The following TTC7B variants were observed in gnomAD, a reference collection of about 807,000 sequenced individuals.
TTC7B encodes tetratricopeptide repeat domain 7B, also known as tetratricopeptide repeat protein 7B.
TTC7B carries 28 observed loss-of-function variants against 106.8 expected under a neutral mutation model. That is an observed-to-expected ratio of 0.26 (90% confidence interval 0.19 to 0.36). TTC7B has a LOEUF of 0.36. Among genes scored for constraint, TTC7B ranks in the 10% least tolerant of loss-of-function variants. The probability of loss-of-function intolerance (pLI) is 1.00; values close to 1 mark genes in which losing one functional copy is unlikely to be tolerated. For missense variants in TTC7B, 862 were observed against 1,076.4 expected, an observed-to-expected ratio of 0.80 and a Z score of 2.79; for synonymous variants, 405 against 430.6, an observed-to-expected ratio of 0.94 and a Z score of 0.74.
chr14:90,679,383 A>G (rs904161864), intron 8 of TTC7B, among the ~76,000 whole-genome samples: 1 of 152,168 alleles, frequency 6.6e-6, no homozygotes, highest in Non-Finnish European at 1.5e-5. Context: ...CCATGTCTAT[A>G]CTCACCTGAG....
intron 18 of TTC7B, among the ~76,000 whole-genome samples, chr14:90,591,311 A>G (rs571326830): frequency 6.6e-6 from 1 of 152,348 alleles, no homozygotes; most frequent in South Asian, 2.1e-4. Context: ...GTTGTACTCC[A>G]GCCTGGGCCA....
intron 15 of TTC7B, among the ~76,000 whole-genome samples, chr14:90,633,317 G>C (rs1050781722): frequency 2.0e-5 from 3 of 152,144 alleles, no homozygotes; most frequent in Non-Finnish European, 4.4e-5. Context: ...TATTTAAATA[G>C]GAAACAATAA....
chr14:90,750,223 A>T (rs1290246709), intron 3 of TTC7B, among the ~76,000 whole-genome samples: 1 of 152,218 alleles, frequency 6.6e-6, no homozygotes, highest in Admixed American at 6.5e-5. Flanking sequence ...ACACAAAGAG[A>T]TAGATCATTT....
intron 19 of TTC7B, among the ~76,000 whole-genome samples, chr14:90,542,242 C>T (rs1013611610): frequency 3.9e-5 from 6 of 152,014 alleles, no homozygotes; most frequent in Non-Finnish European, 7.4e-5. Flanking sequence ...CCTGGCCTGT[C>T]GTCTTTTTTT....
intron 19 of TTC7B, among the ~76,000 whole-genome samples, chr14:90,557,143 A>G (rs1360494977): frequency 2.6e-5 from 4 of 152,076 alleles, no homozygotes; most frequent in African/African-American, 9.7e-5. Flanking sequence ...CTCTGCTTCT[A>G]CCTGTCCTCA....
intron 19 of TTC7B, among the ~76,000 whole-genome samples, chr14:90,546,244 G>A (rs1296041281): frequency 6.6e-6 from 1 of 152,200 alleles, no homozygotes; most frequent in East Asian, 1.9e-4. Flanking sequence ...CACCACCCAA[G>A]CCCCACAGTG....
At chr14:90,680,590 A>T (rs1887014633) in intron 7 of TTC7B, 55 bp from the exon 8 acceptor site, 1 of 1,311,762 alleles carries the variant, frequency 7.6e-7, no homozygotes, top group African/African-American at 1.5e-5. Flanking sequence ...ATATACAAAT[A>T]CAAGCAGAAC....
At chr14:90,553,626 C>T (rs531191889) in intron 19 of TTC7B, among the ~76,000 whole-genome samples, 91 of 152,338 alleles carry the variant, frequency 6.0e-4, no homozygotes, top group African/African-American at 2.1e-3. Context: ...TCTGGAACCA[C>T]GTGGAAAAGC....
chr14:90,615,341 G>A (rs1893025471), intron 16 of TTC7B, among the ~76,000 whole-genome samples: 1 of 152,210 alleles, frequency 6.6e-6, no homozygotes, highest in Non-Finnish European at 1.5e-5. Context: ...GGATCTGGAA[G>A]GGGGTGGGAA....
intron 4 of TTC7B, among the ~76,000 whole-genome samples, chr14:90,739,296 G>A (rs532552781): frequency 1.6e-4 from 25 of 152,332 alleles, no homozygotes; most frequent in African/African-American, 5.3e-4. Flanking sequence ...GGCCTGAAAC[G>A]GGAAGGAAAG....
At chr14:90,659,193 T>C (rs1056442097) in intron 9 of TTC7B, among the ~76,000 whole-genome samples, 2 of 149,882 alleles carry the variant, frequency 1.3e-5, no homozygotes, top group African/African-American at 2.5e-5. Flanking sequence ...CAGAAGGCCC[T>C]TGTGTATGCA....
At chr14:90,610,232 A>G (rs753942613) in intron 17 of TTC7B, among the ~76,000 whole-genome samples, 2 of 152,212 alleles carry the variant, frequency 1.3e-5, no homozygotes, top group Non-Finnish European at 2.9e-5. Flanking sequence ...TACTTAGGCA[A>G]ATGTGGAACA....
chr14:90,725,202 C>T (rs1889046722), intron 5 of TTC7B, among the ~76,000 whole-genome samples: 1 of 152,194 alleles, frequency 6.6e-6, no homozygotes, highest in South Asian at 2.1e-4. Flanking sequence ...AAGATGACCT[C>T]CAGAAGGCCA....
chr14:90,695,420 T>G (rs1030010155), intron 6 of TTC7B, 80 bp downstream of exon 6: 4 of 718,108 alleles, frequency 5.6e-6, no homozygotes, highest in African/African-American at 5.5e-5. Context: ...TTATAATACA[T>G]AAATGTAAAA....
Position 90,538,664 on chromosome 14 carries a change from G to A in TTC7B, c.*2704C>T, listed in dbSNP as rs1350755338. 6.6e-6 allele frequency: 1 copy of A among 152,284 alleles called. No homozygotes were observed. The highest frequency in any genetic ancestry group is 6.5e-5 in the Admixed American group (1 of 15,286). 9.4% of individuals were successfully genotyped at this position (152,284 alleles called of 1,614,324 possible). A position where few individuals can be genotyped will look rare whatever the true frequency, so the allele number is the denominator to read the frequency against. ...GGAAAACAGAATATGAGGTGGGTGA[G>A]TGGGATTAAGGTGGGGGACTGAGGA... On this transcript the variant is annotated 3_prime_UTR_variant, in exon 20 of 20. Transcript: ENST00000328459.
At chr14:90,773,987 G>A (rs1167174750) in intron 3 of TTC7B, among the ~76,000 whole-genome samples, 2 of 152,180 alleles carry the variant, frequency 1.3e-5, no homozygotes, top group African/African-American at 4.8e-5. Context: ...AAAATAAAGA[G>A]CCCTGGACCT....
intron 7 of TTC7B, among the ~76,000 whole-genome samples, chr14:90,683,217 C>T (rs1887123357): frequency 6.6e-6 from 1 of 152,146 alleles, no homozygotes; most frequent in South Asian, 2.1e-4. Context: ...CAGGGAGGGC[C>T]TTGAACACTG....
In TTC7B at chr14:90,742,267, T is replaced by C. The variant is rs542390441; in HGVS notation, c.576+2525A>G. 3.9e-5 allele frequency among the ~76,000 whole-genome samples: 6 copies of C among 152,134 alleles called. No homozygotes were observed. The South Asian group carries it at 1.0e-3, about 26-fold the overall frequency. On this transcript the variant is annotated intron_variant, in intron 4 of 19. Transcript: ENST00000328459. The surrounding 1 kb of genome is among the most constrained non-coding windows in gnomAD (Gnocchi z 4.1). ...TCTTCCTTTCTTTCTTTTTTTTCTT[T>C]TGTTTCTCTCTCTCTCCTTCCCTCC...
At position 90,695,520 on chromosome 14, in the gene TTC7B, T is replaced by C; in HGVS notation, c.757A>G (p.Thr253Ala). Residue 253 changes from threonine (T) to alanine (A), a missense_variant, in exon 6 of 20, where the codon ACG becomes GCG. Coordinates refer to ENST00000328459, the MANE Select transcript of TTC7B (RefSeq NM_001010854.2). ...RELLRAVETR[T>A]TQNLRMTIAR... Reference sequence around the variant, plus strand: ...CTTACCATTCGCAGGTTTTGAGTCGTTCTTGTTTCAACTGCTCTGAGAAGC... The same window carrying C: ...CTTACCATTCGCAGGTTTTGAGTCGCTCTTGTTTCAACTGCTCTGAGAAGC... 5 of 1,596,498 alleles carry C rather than the reference T, an allele frequency of 3.1e-6. No homozygotes were observed. The highest frequency in any genetic ancestry group is 4.3e-6 in the Non-Finnish European group (5 of 1,172,536).
Sources: allele counts gnomAD v4.1 joint callset (sites outside exome capture counted in the v4.1 genomes callset), GRCh38; gene constraint gnomAD v4.1.1; non-coding constraint Gnocchi (gnomAD v3.1); transcripts MANE v1.5; gene names NCBI Gene and HGNC (gene_info 2026-07-23, HGNC 2026-07-21).